MTMR9: variants seen among roughly 807,000 people sequenced by gnomAD.
MTMR9 encodes myotubularin-related protein 9.
In MTMR9, 39 loss-of-function variants were observed where a neutral mutation model predicts 69.5. That is an observed-to-expected ratio of 0.56 (90% CI 0.43 to 0.73). The LOEUF is 0.73. Ranked by LOEUF, MTMR9 falls within the 30% of genes least tolerant of loss-of-function variation. The pLI is 0.00. For missense variants in MTMR9, 900 were observed against 671.2 expected (o/e 1.34, Z -3.77); for synonymous variants, 354 against 240.8 (o/e 1.47, Z -4.35).
downstream of MTMR9, chr8:11,331,159 C>T (rs144100262): frequency 8.1e-5 from 130 of 1,612,124 alleles, 1 homozygote; most frequent in African/African-American, 1.3e-4. Context: ...CACCCATCGC[C>T]GCCCTCCGCT....
intron 9 of MTMR9, 81 bp downstream of exon 9, chr8:11,319,919 A>T: frequency 6.9e-7 from 1 of 1,448,372 alleles, no homozygotes; most frequent in Non-Finnish European, 9.5e-7. Flanking sequence ...TTGGTGATGT[A>T]TGAAGATGGT....
intron 3 of MTMR9, among the ~76,000 whole-genome samples, chr8:11,301,588 A>G (rs1299704961): frequency 6.6e-6 from 1 of 152,226 alleles, no homozygotes; most frequent in Non-Finnish European, 1.5e-5. Context: ...TATGACCTTC[A>G]GTTAGACAGA....
intron 1 of MTMR9, among the ~76,000 whole-genome samples, chr8:11,290,098 G>A (rs1799327480): frequency 6.6e-6 from 1 of 152,104 alleles, no homozygotes; most frequent in Non-Finnish European, 1.5e-5. Flanking sequence ...AGGGTACCTC[G>A]TCTCCACTTT....
At chr8:11,303,239 G>A (rs1189776620) in intron 3 of MTMR9, among the ~76,000 whole-genome samples, 1 of 149,870 alleles carries the variant, frequency 6.7e-6, no homozygotes, top group African/African-American at 2.5e-5. Context: ...AAGTGGACAA[G>A]TGCGACGGGA....
intron 5 of MTMR9, among the ~76,000 whole-genome samples, chr8:11,307,010 T>A (rs761722389): frequency 2.0e-5 from 3 of 152,236 alleles, no homozygotes; most frequent in Non-Finnish European, 4.4e-5. Flanking sequence ...TTATTTCATA[T>A]AGCATGATGT....
downstream of MTMR9, chr8:11,331,893 G>C: frequency 1.9e-6 from 3 of 1,611,316 alleles, no homozygotes; most frequent in Non-Finnish European, 2.5e-6. Context: ...GGGGATCCTC[G>C]CCTTGGTCTC....
intron 1 of MTMR9, among the ~76,000 whole-genome samples, chr8:11,291,514 TGG>T (rs1799380221): frequency 3.3e-5 from 5 of 152,158 alleles, no homozygotes; most frequent in Admixed American, 6.5e-5. Flanking sequence ...AGGAGTTTTG[TGG>T]AGCTCTTATG....
chr8:11,294,962 G>C (rs1585111075), intron 1 of MTMR9: 2 of 278,556 alleles, frequency 7.2e-6, no homozygotes, highest in Non-Finnish European at 6.6e-6. Flanking sequence ...CATCAGAACA[G>C]TTAGCTTAAT....
Position 11,322,853 on chromosome 8 carries a change from C to T in MTMR9, c.*65C>T, listed in dbSNP as rs1800759267. 16 of 1,478,420 alleles carry T rather than the reference C, an allele frequency of 1.1e-5. No individual in the cohort carries two copies. The highest frequency in any genetic ancestry group is 1.5e-5 in the Non-Finnish European group (16 of 1,087,162). The allele number at this position is 1,478,420 out of a possible 1,614,324, so 91.6% of individuals were successfully genotyped here. ...TGTGTCCGCCGTTCTCTCCTTGTGC[C>T]CTTCAGTTCACTTTTACACGGTAGC... On this transcript the variant is annotated 3_prime_UTR_variant, in exon 10 of 10. Coordinates refer to ENST00000221086, the MANE Select transcript of MTMR9 (RefSeq NM_015458.4).
chr8:11,309,710 C>T (rs1472806463), intron 6 of MTMR9, 22 bp downstream of exon 6: 1 of 1,610,594 alleles, frequency 6.2e-7, no homozygotes, highest in South Asian at 1.1e-5. Context: ...TTCAGCGTTC[C>T]TGAGCGAAAC....
At chr8:11,332,220 T>G, downstream of MTMR9, 6 of 1,489,450 alleles carry the variant, frequency 4.0e-6, no homozygotes, top group Non-Finnish European at 5.4e-6. Context: ...ATAATTATAA[T>G]AAATCCTAGG....
At chr8:11,287,001 C>A (rs1443788127) in intron 1 of MTMR9, among the ~76,000 whole-genome samples, 1 of 152,182 alleles carries the variant, frequency 6.6e-6, no homozygotes, top group African/African-American at 2.4e-5. Flanking sequence ...GCATTTAAGA[C>A]ACCAAGGTAA....
chr8:11,330,905 A>T, downstream of MTMR9: 7 of 1,103,454 alleles, frequency 6.3e-6, no homozygotes, highest in Non-Finnish European at 8.7e-6. Context: ...ACACCCAAGA[A>T]TGATCAATTA....
intron 1 of MTMR9, among the ~76,000 whole-genome samples, chr8:11,288,318 A>G (rs1041037303): frequency 1.4e-5 from 2 of 140,310 alleles, no homozygotes; most frequent in Non-Finnish European, 3.0e-5. Context: ...ATGTATATAT[A>G]ATATATATAC....
rs577243584 is a variant in MTMR9 at position 11,309,615 on chromosome 8, G to C, written c.898G>C (p.Glu300Gln). The C allele has an allele frequency of 7.4e-6, 12 of 1,613,956 alleles. No individual in the cohort carries two copies. In the East Asian group the frequency reaches 2.7e-4, roughly 36 times the overall value. The change falls in exon 6 of 10, where the codon GAG (glutamate) becomes CAG (glutamine). Residue 300 changes from glutamate (E) to glutamine (Q), a missense_variant. Coordinates refer to ENST00000221086, the MANE Select transcript of MTMR9 (RefSeq NM_015458.4). ...CATGGACCGATGGCTCAGTAAATTGGAGGCCTCTAACTGGCTGACTCACAT... is the reference window on the plus strand; with the variant it reads ...CATGGACCGATGGCTCAGTAAATTGCAGGCCTCTAACTGGCTGACTCACAT... The part of the protein sequence containing the change: ...HNMDRWLSKL[E>Q]ASNWLTHIKE...
At position 11,319,853 on chromosome 8, in the gene MTMR9, C is replaced by A. The variant is rs762100786; in HGVS notation, c.1486+15C>A. ...ACTGTGGGAAGGTAAACCACGCATCCTTTGCAAACTTCTTAACGGTCAGGT... is the reference window on the plus strand; with the variant it reads ...ACTGTGGGAAGGTAAACCACGCATCATTTGCAAACTTCTTAACGGTCAGGT... On this transcript the variant is annotated intron_variant, in intron 9 of 9. Transcript: ENST00000221086. The A allele has an allele frequency of 1.3e-5, 21 of 1,613,312 alleles. No individual in the cohort carries two copies. The highest frequency in any genetic ancestry group is 1.8e-5 in the Non-Finnish European group (21 of 1,179,616).
At chr8:11,298,770 G>A (rs941774523) in intron 2 of MTMR9, 1 of 938,562 alleles carries the variant, frequency 1.1e-6, no homozygotes, top group African/African-American at 2.1e-5. Context: ...TAATCCCCCT[G>A]TGAGAAGGAT....
Position 11,300,020 on chromosome 8 carries a change from C to G in MTMR9, c.292-3C>G. On this transcript the variant is annotated splice_region_variant and splice_polypyrimidine_tract_variant and intron_variant, in intron 2 of 9. Transcript: ENST00000221086. ...TTTGTCTTTCTTTTCTTTTTGCCCC[C>G]AGGCATTGTCTACTCTGGACTCCAT... The G allele has an allele frequency of 6.2e-7, 1 of 1,605,150 alleles. No individual in the cohort carries two copies. The highest frequency in any genetic ancestry group is 1.1e-5 in the South Asian group (1 of 88,800).
rs1336563521 is a variant in MTMR9, at chr8:11,323,365, A to G, written c.*577A>G. ...TCTATTCTCATTCTTGTTTGTCAAGAAAGGAAAATCTGTTATTCAAGGTAA... is the reference window on the plus strand; with the variant it reads ...TCTATTCTCATTCTTGTTTGTCAAGGAAGGAAAATCTGTTATTCAAGGTAA... On this transcript the variant is annotated 3_prime_UTR_variant, in exon 10 of 10. Coordinates refer to ENST00000221086, the MANE Select transcript of MTMR9 (RefSeq NM_015458.4). 6.6e-6 allele frequency: 1 copy of G among 152,248 alleles called. No homozygotes were observed. The highest frequency in any genetic ancestry group is 6.5e-5 in the Admixed American group (1 of 15,288). The allele number at this position is 152,248 out of a possible 1,614,324, so 9.4% of individuals were successfully genotyped here.
Sources: allele counts gnomAD v4.1 joint callset (sites outside exome capture counted in the v4.1 genomes callset), GRCh38; gene constraint gnomAD v4.1.1; transcripts MANE v1.5; gene names NCBI Gene and HGNC (gene_info 2026-07-23, HGNC 2026-07-21).